SYT3: variants seen among roughly 807,000 people sequenced by gnomAD.
SYT3 encodes the protein synaptotagmin-3.
Under a neutral mutation model 50.6 loss-of-function variants are expected in SYT3, and 25 were observed. That is an observed-to-expected ratio of 0.49 (90% CI 0.36 to 0.69). The LOEUF is 0.69. Ranked by LOEUF, SYT3 falls within the 30% of genes least tolerant of loss-of-function variation. The probability of loss-of-function intolerance (pLI) is 0.00; values close to 1 mark genes in which losing one functional copy is unlikely to be tolerated. For missense variants in SYT3, 589 were observed against 793.6 expected, an observed-to-expected ratio of 0.74 and a Z score of 3.10; for synonymous variants, 323 against 353.9, an observed-to-expected ratio of 0.91 and a Z score of 0.98.
At chr19:50,642,676 A>G (rs1984699862), upstream of SYT3, among the ~76,000 whole-genome samples, 1 of 152,160 alleles carries the variant, frequency 6.6e-6, no homozygotes, top group African/African-American at 2.4e-5. Flanking sequence ...TCTACTAAAA[A>G]TACAAAAATT....
At chr19:50,630,249 C>A in intron 4 of SYT3, 78 bp from the exon 5 acceptor site, 1 of 1,391,840 alleles carries the variant, frequency 7.2e-7, no homozygotes, top group Non-Finnish European at 9.5e-7. Context: ...TGGGAGACTC[C>A]TCCCTGCCTT....
In SYT3 at chr19:50,632,571, G is replaced by A. The variant is rs1450635556; in HGVS notation, c.389C>T (p.Pro130Leu). ...GLGGHPLLGG[P>L]HHHAHAAHHP... The stretch of plus-strand genomic sequence containing the variant: ...GTGGGCGGCATGGGCATGGTGGTGT[G>A]GGCCGCCCAGCAGAGGATGGCCACC... The change falls in exon 4 of 11, where the codon CCA becomes CTA. Residue 130 changes from proline to leucine, a missense_variant. Transcript: ENST00000600079. This position sits in a 1 kb window ranked among gnomAD's most constrained non-coding sequence, Gnocchi z 4.7. The A allele has an allele frequency of 6.3e-7, 1 of 1,590,880 alleles. No individual in the cohort carries two copies. The highest frequency in any genetic ancestry group is 8.5e-7 in the Non-Finnish European group (1 of 1,170,336).
chr19:50,645,953 TAGAG>T, the SYT3 span, among the ~76,000 whole-genome samples: 1 of 144,022 alleles, frequency 6.9e-6, no homozygotes, highest in Non-Finnish European at 1.5e-5. Flanking sequence ...CAGAGACAGG[TAGAG>T]AGAAGGGAAG....
chr19:50,632,511 C>T lies in SYT3; in HGVS notation c.449G>A (p.Ser150Asn). The T allele has an allele frequency of 6.2e-7, 1 of 1,610,684 alleles. No homozygotes were observed. The change falls in exon 4 of 11, where the codon AGC becomes AAC. Residue 150 changes from serine (S) to asparagine (N), a missense_variant. Physicochemically the swap from Ser to Asn is conservative, Grantham distance 46. Coordinates refer to ENST00000600079, the MANE Select transcript of SYT3 (RefSeq NM_001160329.2). This position sits in a 1 kb window ranked among gnomAD's most constrained non-coding sequence, Gnocchi z 4.7. ...PPFAELLEPG[S>N]LGGSDTPEPS... ...CTCAGGGGTGTCAGAACCCCCCAGG[C>T]TGCCTGGCTCCAGCAGCTCAGCAAA...
chr19:50,650,538 C>G, the SYT3 span, among the ~76,000 whole-genome samples: 1 of 152,064 alleles, frequency 6.6e-6, no homozygotes, highest in Non-Finnish European at 1.5e-5. Context: ...AGGTGTGGTG[C>G]CGGGTGCCTG....
At chr19:50,653,102 A>G in the SYT3 span, among the ~76,000 whole-genome samples, 2 of 152,194 alleles carry the variant, frequency 1.3e-5, no homozygotes, top group Non-Finnish European at 2.9e-5. Context: ...CAGTGGCACG[A>G]TCCCGGCTCA....
Position 50,632,376 on chromosome 19 carries a change from C to G in SYT3, c.584G>C (p.Gly195Ala), listed in dbSNP as rs1047574921. The G allele has an allele frequency of 1.9e-6, 3 of 1,612,722 alleles. No homozygotes were observed. The highest frequency in any genetic ancestry group is 2.5e-6 in the Non-Finnish European group (3 of 1,179,146). ...GGGGGGCAGCAGGAGCAACCCAGAG[C>G]CTGCTCCCCCCTCAGAGGGCAGCTC... ...SPELPSEGGA[G>A]SGLLLLPPSG... is the part of the protein sequence containing the mutation. The change falls in exon 4 of 11, where the codon GGC becomes GCC. Residue 195 changes from glycine (G) to alanine (A), a missense_variant. By Grantham distance (60) the Gly-to-Ala change is moderately conservative. This residue lies in a region of SYT3 where 316 missense variants were observed against 354.3 expected (regional missense o/e 0.89). Transcript: ENST00000600079. The surrounding 1 kb of genome is among the most constrained non-coding windows in gnomAD (Gnocchi z 4.7).
At chr19:50,623,843 A>C (rs1983944646) in intron 9 of SYT3, among the ~76,000 whole-genome samples, 1 of 152,012 alleles carries the variant, frequency 6.6e-6, no homozygotes, top group Admixed American at 6.6e-5. Flanking sequence ...TTTTAAAAAA[A>C]ATCAAAATTA....
chr19:50,633,809 T>A (rs1984404921), intron 3 of SYT3, among the ~76,000 whole-genome samples: 1 of 152,204 alleles, frequency 6.6e-6, no homozygotes, highest in Non-Finnish European at 1.5e-5. Flanking sequence ...TATCCCTGTT[T>A]TCCACAAAAG....
the SYT3 span, among the ~76,000 whole-genome samples, chr19:50,648,610 C>T: frequency 1.3e-5 from 1 of 77,636 alleles, no homozygotes; most frequent in Non-Finnish European, 2.5e-5. Flanking sequence ...GAAGTCCAGG[C>T]CCCCATCCTC....
intron 3 of SYT3, among the ~76,000 whole-genome samples, chr19:50,636,692 AT>A (rs1398771043): frequency 1.3e-5 from 2 of 152,222 alleles, no homozygotes; most frequent in South Asian, 2.1e-4. Context: ...GAAAATGGGG[AT>A]TATATGTTCC....
upstream of SYT3, among the ~76,000 whole-genome samples, chr19:50,643,970 G>A (rs958803961): frequency 6.6e-6 from 1 of 152,172 alleles, no homozygotes; most frequent in Non-Finnish European, 1.5e-5. Flanking sequence ...GAAGATGAGG[G>A]AGGGGAGGGG....
At chr19:50,654,120 G>A in the SYT3 span, among the ~76,000 whole-genome samples, 27 of 151,714 alleles carry the variant, frequency 1.8e-4, no homozygotes, top group African/African-American at 6.1e-4. Flanking sequence ...TTTTATGTTC[G>A]GCAGGAGAGC....
the SYT3 span, among the ~76,000 whole-genome samples, chr19:50,657,580 G>A: frequency 6.6e-6 from 1 of 150,570 alleles, no homozygotes; most frequent in Non-Finnish European, 1.5e-5. Flanking sequence ...ATGCTAATAC[G>A]AATATAAAAG....
chr19:50,632,771 A>G lies in SYT3; in HGVS notation c.189T>C (p.Cys63=), dbSNP rs1043682873. The change falls in exon 4 of 11, where the codon TGT becomes TGC. Residue 63 remains cysteine (C), a synonymous_variant. Transcript: ENST00000600079. The surrounding 1 kb of genome is among the most constrained non-coding windows in gnomAD (Gnocchi z 4.7). The part of the protein sequence containing the change: ...VSLLSVIVTF[C]GIVLLGVSLF... Reference sequence around the variant, plus strand: ...GAGAGACACCCAGAAGGACAATGCCACAGAATGTCACGATGACCGACAGCA... The same window carrying G: ...GAGAGACACCCAGAAGGACAATGCCGCAGAATGTCACGATGACCGACAGCA... 2.0e-6 allele frequency: 3 copies of G among 1,526,064 alleles called. No homozygotes were observed. Among genetic ancestry groups the G allele is most frequent in the African/African-American group, 2.8e-5 (2 of 72,520 alleles). The allele number at this position is 1,526,064 out of a possible 1,614,324, so 94.5% of individuals were successfully genotyped here. A position where few individuals can be genotyped will look rare whatever the true frequency, so the allele number is the denominator to read the frequency against.
upstream of SYT3, among the ~76,000 whole-genome samples, chr19:50,641,997 G>A (rs1189798613): frequency 6.6e-6 from 1 of 152,146 alleles, no homozygotes; most frequent in African/African-American, 2.4e-5. Flanking sequence ...CCTCTAATTA[G>A]ATTACACCCT....
rs1194894490 is a variant in SYT3, at chr19:50,639,096, G to A, written c.-87C>T. On this transcript the variant is annotated 5_prime_UTR_variant, in exon 2 of 11. Transcript: ENST00000600079. This position sits in a 1 kb window ranked among gnomAD's most constrained non-coding sequence, Gnocchi z 4.6. ...GGGCGGCAGCCCATGGGGGTTCTAGGGCGGACAAGGGGCTGTGGACCCGTT... is the reference window on the plus strand; with the variant it reads ...GGGCGGCAGCCCATGGGGGTTCTAGAGCGGACAAGGGGCTGTGGACCCGTT... 1 of 153,186 alleles carries A rather than the reference G, an allele frequency of 6.5e-6. No individual in the cohort carries two copies. Among genetic ancestry groups the A allele is most frequent in the African/African-American group, 2.4e-5 (1 of 41,456 alleles). 9.5% of individuals were successfully genotyped at this position (153,186 alleles called of 1,614,324 possible).
In SYT3 at chr19:50,629,864, C is replaced by T. The variant is rs763948624; in HGVS notation, c.982G>A (p.Ala328Thr). The change falls in exon 5 of 11, where the codon GCC (alanine) becomes ACC (threonine). Residue 328 changes from alanine (A) to threonine (T), a missense_variant. Transcript: ENST00000600079. ...VRILQALDLP[A>T]KDSNGFSDPY... ...TCTGAGAAGCCGTTGGAGTCCTTGG[C>T]AGGGAGGTCCAGGGCCTGCAGGATC... 14 of 1,614,130 alleles carry T rather than the reference C, an allele frequency of 8.7e-6. No individual in the cohort carries two copies. The highest frequency in any genetic ancestry group is 1.2e-5 in the Non-Finnish European group (14 of 1,179,990).
At position 50,632,280 on chromosome 19, in the gene SYT3, T is replaced by C; in HGVS notation, c.674+6A>G. Reference sequence around the variant, plus strand: ...AGTGGACCCCCAACCCAGTATCCTCTCTCACCTGGTAGTGGGTGCCAGGCT... The same window carrying C: ...AGTGGACCCCCAACCCAGTATCCTCCCTCACCTGGTAGTGGGTGCCAGGCT... On this transcript the variant is annotated splice_donor_region_variant and intron_variant, in intron 4 of 10. Transcript: ENST00000600079. The surrounding 1 kb of genome is among the most constrained non-coding windows in gnomAD (Gnocchi z 4.7). 1 of 1,557,804 alleles carries C rather than the reference T, an allele frequency of 6.4e-7. No homozygotes were observed. The highest frequency in any genetic ancestry group is 8.7e-7 in the Non-Finnish European group (1 of 1,146,138).
Sources: allele counts gnomAD v4.1 joint callset (sites outside exome capture counted in the v4.1 genomes callset), GRCh38; gene constraint gnomAD v4.1.1; regional missense constraint gnomAD v4.1.1; non-coding constraint Gnocchi (gnomAD v3.1); transcripts MANE v1.5; gene names NCBI Gene and HGNC (gene_info 2026-07-23, HGNC 2026-07-21).